MAP7D2: variants seen among roughly 807,000 people sequenced by gnomAD.
MAP7D2 encodes MAP7 domain containing 2.
MAP7D2 carries 33 observed loss-of-function variants against 63.5 expected under a neutral mutation model. The observed-to-expected ratio is 0.52, with a 90% CI of 0.39 to 0.70. MAP7D2 has a LOEUF of 0.70. Ranked by LOEUF, MAP7D2 falls within the 30% of genes least tolerant of loss-of-function variation. MAP7D2 has a pLI of 0.00. For synonymous variants in MAP7D2, 224 were observed against 223.7 expected, an observed-to-expected ratio of 1.00 and a Z score of -0.01; for missense variants, 626 against 604.0, an observed-to-expected ratio of 1.04 and a Z score of -0.38.
chrX:20,045,160 C>G (rs2064761913), intron 6 of MAP7D2, among the ~76,000 whole-genome samples: 1 of 111,088 alleles, frequency 9.0e-6, no homozygotes, highest in Non-Finnish European at 1.9e-5. Flanking sequence ...TTAAGCTCGT[C>G]CCATGTGACT....
Position 20,016,076 on chromosome X carries a change from T to C in MAP7D2, c.1644+18A>G, listed in dbSNP as rs1212805454. ...CCTTAAAAAACAAGTAAAGTCCATCTGAGGACTCATACAGTACCTGCTTTT... is the reference window on the plus strand; with the variant it reads ...CCTTAAAAAACAAGTAAAGTCCATCCGAGGACTCATACAGTACCTGCTTTT... On this transcript the variant is annotated intron_variant, in intron 11 of 16. Transcript: ENST00000379643. 1 of 1,185,476 alleles carries C rather than the reference T, an allele frequency of 8.4e-7. No individual in the cohort carries two copies. The highest frequency in any genetic ancestry group is 3.0e-5 in the East Asian group (1 of 33,787).
chrX:20,080,717 G>A (rs1207507266), intron 1 of MAP7D2, among the ~76,000 whole-genome samples: 1 of 111,684 alleles, frequency 9.0e-6, no homozygotes, highest in Non-Finnish European at 1.9e-5. Context: ...AGGTAGCCTG[G>A]GTTCTAACCC....
chrX:20,027,029 C>T (rs986452847), intron 8 of MAP7D2, among the ~76,000 whole-genome samples: 2 of 112,249 alleles, frequency 1.8e-5, no homozygotes, highest in African/African-American at 6.5e-5. Flanking sequence ...TCACCAGAGG[C>T]TTAGAGTTAC....
chrX:20,018,440 C>CT (rs757792186), intron 10 of MAP7D2, among the ~76,000 whole-genome samples: 1,826 of 77,369 alleles, frequency 0.024, 99 homozygotes, highest in African/African-American at 0.098. Context: ...AAATCTTGTC[C>CT]TTTTTTTTTT....
chrX:20,035,993 C>T (rs776402311), intron 8 of MAP7D2, among the ~76,000 whole-genome samples: 2 of 109,745 alleles, frequency 1.8e-5, no homozygotes, highest in South Asian at 3.9e-4. Flanking sequence ...TCTTCTTCAA[C>T]ATTTTCGACT....
chrX:20,073,519 G>GTTCTT (rs1223753793), intron 1 of MAP7D2, among the ~76,000 whole-genome samples: 1 of 107,470 alleles, frequency 9.3e-6, no homozygotes, highest in South Asian at 4.1e-4. Context: ...TTTTAGAGGG[G>GTTCTT]TTCTTTTCTT....
intron 1 of MAP7D2, among the ~76,000 whole-genome samples, chrX:20,100,854 T>A (rs1375906916): frequency 2.0e-4 from 22 of 110,335 alleles, no homozygotes; most frequent in African/African-American, 7.0e-4. Context: ...AAACCCTGTC[T>A]CTACTAAAAA....
chrX:20,096,081 C>CAAA (rs1208579984), intron 1 of MAP7D2, among the ~76,000 whole-genome samples: 273 of 14,765 alleles, frequency 0.018, 4 homozygotes, highest in Non-Finnish European at 0.022. Context: ...GACTCTTCCT[C>CAAA]AAAAAAAAAA....
At chrX:20,114,658 C>A (rs771470807) in intron 1 of MAP7D2, among the ~76,000 whole-genome samples, 1 of 112,159 alleles carries the variant, frequency 8.9e-6, no homozygotes, top group Non-Finnish European at 1.9e-5. Context: ...ATTTCCTTTC[C>A]GTCTTTTACA....
chrX:20,106,486 C>T (rs943460397), intron 1 of MAP7D2, among the ~76,000 whole-genome samples: 3 of 112,297 alleles, frequency 2.7e-5, no homozygotes, highest in African/African-American at 9.7e-5. Context: ...CTGTGCTTCA[C>T]GCCATACTTG....
rs772730301 is a variant in MAP7D2 at position 20,063,571 on chromosome X, C to T, written c.215G>A (p.Arg72Gln). 1 of 1,210,538 alleles carries T rather than the reference C, an allele frequency of 8.3e-7. No individual in the cohort carries two copies. The highest frequency in any genetic ancestry group is 1.1e-6 in the Non-Finnish European group (1 of 894,931). The change falls in exon 3 of 17, where the codon CGG becomes CAG. Residue 72 changes from arginine to glutamine, a missense_variant. By Grantham distance (43) the Arg-to-Gln change is conservative (BLOSUM62 1). Transcript: ENST00000379643. ...REEREKCLAAREQQILEKQKR... is the reference protein window; with the variant it reads ...REEREKCLAAQEQQILEKQKR... ...CTGTTTCTCCAGGATCTGTTGCTCCCGAGCAGCTGGGGAAGGAAAGTAGAA... is the reference window on the plus strand; with the variant it reads ...CTGTTTCTCCAGGATCTGTTGCTCCTGAGCAGCTGGGGAAGGAAAGTAGAA...
chrX:20,050,416 C>T (rs2148316471), intron 6 of MAP7D2, among the ~76,000 whole-genome samples: 1 of 112,181 alleles, frequency 8.9e-6, no homozygotes, highest in Admixed American at 9.4e-5. Flanking sequence ...TTTAAAATAG[C>T]TCCATCTTAT....
At chrX:20,109,152 T>A (rs2066656842) in intron 1 of MAP7D2, among the ~76,000 whole-genome samples, 1 of 107,120 alleles carries the variant, frequency 9.3e-6, no homozygotes, top group Admixed American at 1.0e-4. Context: ...GTATAGCAGA[T>A]GTGGGAGACA....
At chrX:20,090,270 C>A (rs2066030747) in intron 1 of MAP7D2, among the ~76,000 whole-genome samples, 1 of 104,250 alleles carries the variant, frequency 9.6e-6, no homozygotes, top group African/African-American at 3.6e-5. Flanking sequence ...CCAAGGCAAG[C>A]AAATCACGAG....
intron 1 of MAP7D2, among the ~76,000 whole-genome samples, chrX:20,071,168 C>G (rs768146777): frequency 1.3e-3 from 144 of 112,440 alleles, no homozygotes; most frequent in Non-Finnish European, 2.3e-3. Context: ...TGTGGACTCA[C>G]AGGCACTGTT....
At chrX:20,025,131 T>C (rs756466041) in intron 9 of MAP7D2, 48 bp from the exon 10 acceptor site, 2 of 1,156,570 alleles carry the variant, frequency 1.7e-6, no homozygotes, top group Non-Finnish European at 2.3e-6. Flanking sequence ...GGGAAACGAA[T>C]ATAATGATTC....
Position 20,067,350 on chromosome X carries a change from A to G in MAP7D2, c.131-2545T>C, listed in dbSNP as rs563906910. On this transcript the variant is annotated intron_variant, in intron 1 of 16. Coordinates refer to ENST00000379643, the MANE Select transcript of MAP7D2 (RefSeq NM_001168465.2). ...GAGGCTGCTTGTTCCACAGACATGC[A>G]TGATTTTAGGCTGCCCTCTCATGGA... 2.4e-3 allele frequency among the ~76,000 whole-genome samples: 275 copies of G among 112,476 alleles called. 1 individual carries two copies. Among genetic ancestry groups the G allele is most frequent in the African/African-American group, 8.4e-3 (260 of 30,981 alleles).
chrX:20,094,768 G>T (rs1448962027), intron 1 of MAP7D2, among the ~76,000 whole-genome samples: 1 of 102,218 alleles, frequency 9.8e-6, no homozygotes, highest in Non-Finnish European at 2.0e-5. Flanking sequence ...GTAGAGATGG[G>T]ATTTCACCAT....
chrX:20,050,017 C>A (rs1227451552), intron 6 of MAP7D2, among the ~76,000 whole-genome samples: 1 of 112,348 alleles, frequency 8.9e-6, no homozygotes, highest in African/African-American at 3.2e-5. Flanking sequence ...GAAGCAGCTA[C>A]AACTAGGCAG....
Sources: allele counts gnomAD v4.1 joint callset (sites outside exome capture counted in the v4.1 genomes callset), GRCh38; gene constraint gnomAD v4.1.1; transcripts MANE v1.5; gene names NCBI Gene and HGNC (gene_info 2026-07-23, HGNC 2026-07-21).